MKX: variants seen among roughly 807,000 people sequenced by gnomAD.
MKX encodes the protein mohawk homeobox, also known as homeobox protein Mohawk.
A neutral mutation model predicts 36.0 loss-of-function variants in MKX; 13 were observed. That is an observed-to-expected ratio of 0.36 (90% CI 0.24 to 0.57). MKX has a LOEUF of 0.57. Ranked by LOEUF, MKX falls within the 20% of genes least tolerant of loss-of-function variation. The pLI is 0.79. For synonymous variants in MKX, 176 were observed against 178.3 expected, an observed-to-expected ratio of 0.99 and a Z score of 0.10; for missense variants, 458 against 456.4, an observed-to-expected ratio of 1.00 and a Z score of -0.03.
intron 5 of MKX, among the ~76,000 whole-genome samples, chr10:27,712,923 C>A (rs1045344621): frequency 6.6e-6 from 1 of 152,024 alleles, no homozygotes; most frequent in Non-Finnish European, 1.5e-5. Flanking sequence ...GATGACAGAG[C>A]AAGGCCCTGT....
At chr10:27,735,520 T>A in intron 3 of MKX, 146 bp from the exon 4 acceptor site, 1 of 590,084 alleles carries the variant, frequency 1.7e-6, no homozygotes, top group South Asian at 2.6e-5. Flanking sequence ...TTCGCATCCA[T>A]TCATTCATTT....
intron 5 of MKX, among the ~76,000 whole-genome samples, chr10:27,682,395 T>C (rs1309663656): frequency 6.6e-6 from 1 of 152,098 alleles, no homozygotes; most frequent in Non-Finnish European, 1.5e-5. Flanking sequence ...AAGTGTCCAG[T>C]GTTTATAAAG....
chr10:27,687,834 G>A (rs528891280), intron 5 of MKX, among the ~76,000 whole-genome samples: 1 of 152,314 alleles, frequency 6.6e-6, no homozygotes, highest in East Asian at 1.9e-4. Flanking sequence ...AGTGTCAGCG[G>A]GGGATGAGAA....
At chr10:27,705,091 T>G (rs1018089987) in intron 5 of MKX, among the ~76,000 whole-genome samples, 1 of 152,170 alleles carries the variant, frequency 6.6e-6, no homozygotes, top group Non-Finnish European at 1.5e-5. Flanking sequence ...GTGCTCAGAC[T>G]CATTCTTCAC....
rs1476975549 is a variant in MKX at position 27,745,769 on chromosome 10, G to C, written c.-145C>G. Reference sequence around the variant, plus strand: ...TGGCTCTCCCGCCTCGAGACTAGGCGCACTCCCATCCCCGCCGCATGTTCT... The same window carrying C: ...TGGCTCTCCCGCCTCGAGACTAGGCCCACTCCCATCCCCGCCGCATGTTCT... On this transcript the variant is annotated 5_prime_UTR_variant, in exon 1 of 7. Transcript: ENST00000419761. 6.5e-6 allele frequency: 1 copy of C among 152,750 alleles called. No individual in the cohort carries two copies. Among genetic ancestry groups the C allele is most frequent in the Non-Finnish European group, 1.5e-5 (1 of 68,166 alleles). The allele number at this position is 152,750 out of a possible 1,614,324, so 9.5% of individuals were successfully genotyped here. A position where few individuals can be genotyped will look rare whatever the true frequency, so the allele number is the denominator to read the frequency against.
At chr10:27,682,496 C>A (rs1350581160) in intron 5 of MKX, among the ~76,000 whole-genome samples, 1 of 152,194 alleles carries the variant, frequency 6.6e-6, no homozygotes, top group Admixed American at 6.5e-5. Context: ...TCCAGCCTTG[C>A]AAGCTCTGTT....
At chr10:27,739,575 G>A (rs1834849987) in intron 3 of MKX, among the ~76,000 whole-genome samples, 1 of 152,012 alleles carries the variant, frequency 6.6e-6, no homozygotes, top group South Asian at 2.1e-4. Flanking sequence ...ATCATTACAG[G>A]TGGCAAATAA....
chr10:27,736,332 G>GGTGAAGGCAAAGAAAGAAATAT (rs1834776201), intron 3 of MKX, among the ~76,000 whole-genome samples: 2 of 151,976 alleles, frequency 1.3e-5, no homozygotes, highest in South Asian at 4.1e-4. Context: ...TAGACAAATA[G>GGTGAAGGCAAAGAAAGAAATAT]GTGAAGGCAA....
intron 5 of MKX, among the ~76,000 whole-genome samples, chr10:27,733,537 C>T (rs1231487493): frequency 1.3e-5 from 2 of 152,114 alleles, no homozygotes; most frequent in East Asian, 3.9e-4. Flanking sequence ...GAGGAGAGTA[C>T]CTACTATGTG....
chr10:27,745,131 G>T (rs554750591), intron 1 of MKX, among the ~76,000 whole-genome samples: 244 of 152,186 alleles, frequency 1.6e-3, no homozygotes, highest in Non-Finnish European at 3.1e-3. Context: ...GGCCTTCTCC[G>T]AGCCACCCCA....
chr10:27,679,075 C>A (rs946403277), intron 5 of MKX, among the ~76,000 whole-genome samples: 1 of 150,990 alleles, frequency 6.6e-6, no homozygotes, highest in African/African-American at 2.4e-5. Context: ...GGTTCCTCTC[C>A]AATAACAGAA....
rs148056477 is a variant in MKX, at chr10:27,686,548, C to T, written c.839-10994G>A. ...CTGGAGTGCAGTGGTGTGATCTCGG[C>T]TCACTGCAACCTCTACCTCCTGGGT... On this transcript the variant is annotated intron_variant, in intron 5 of 6. Transcript: ENST00000419761. Among the ~76,000 whole-genome samples the T allele has an allele frequency of 3.1e-3, 464 of 151,206 alleles. 2 individuals are homozygous for T. Among genetic ancestry groups the T allele is most frequent in the African/African-American group, 0.011 (441 of 41,122 alleles).
Position 27,687,227 on chromosome 10 carries a change from A to G in MKX, c.839-11673T>C, listed in dbSNP as rs114644789. 4.6e-3 allele frequency among the ~76,000 whole-genome samples: 700 copies of G among 152,056 alleles called. 5 individuals carry two copies. The highest frequency in any genetic ancestry group is 0.016 in the African/African-American group (651 of 41,496). Reference sequence around the variant, plus strand: ...CACTATGTTGGTCAGGCTGGTCTCGAACACATGACCTCGTGATCCACCCGC... The same window carrying G: ...CACTATGTTGGTCAGGCTGGTCTCGGACACATGACCTCGTGATCCACCCGC... On this transcript the variant is annotated intron_variant, in intron 5 of 6. Coordinates refer to ENST00000419761, the MANE Select transcript of MKX (RefSeq NM_173576.3).
chr10:27,680,736 A>T (rs913495782), intron 5 of MKX, among the ~76,000 whole-genome samples: 1 of 152,212 alleles, frequency 6.6e-6, no homozygotes, highest in Admixed American at 6.5e-5. Flanking sequence ...TGCCACTGAA[A>T]CGTAAGTAAA....
chr10:27,708,604 C>T (rs1564355330), intron 5 of MKX, among the ~76,000 whole-genome samples: 1 of 152,014 alleles, frequency 6.6e-6, no homozygotes, highest in Non-Finnish European at 1.5e-5. Flanking sequence ...TGGCGTGCGC[C>T]TCTAGTCTCA....
chr10:27,695,463 T>C (rs865856269), intron 5 of MKX, among the ~76,000 whole-genome samples: 1 of 152,072 alleles, frequency 6.6e-6, no homozygotes, highest in Admixed American at 6.5e-5. Context: ...ATATTTTCCA[T>C]GCACTCAGTA....
At position 27,741,369 on chromosome 10, in the gene MKX, G is replaced by A. The variant is rs1010105754; in HGVS notation, c.324C>T (p.Leu108=). The change falls in exon 3 of 7, where the codon CTC becomes CTT. Residue 108 remains leucine, a synonymous_variant. Transcript: ENST00000419761. This position sits in a 1 kb window ranked among gnomAD's most constrained non-coding sequence, Gnocchi z 5.1. ...PTKTEKILLA[L]GSQMTLVQVS... is the part of the protein sequence containing the mutation. ...CCTGCACTAGCGTCATCTGCGAGCC[G>A]AGGGCCAAGAGTATCTTCTCGGTCT... 6.2e-7 allele frequency: 1 copy of A among 1,613,176 alleles called. No individual in the cohort carries two copies. The highest frequency in any genetic ancestry group is 1.3e-5 in the African/African-American group (1 of 75,014).
intron 5 of MKX, among the ~76,000 whole-genome samples, chr10:27,732,681 A>G (rs1418946072): frequency 2.6e-5 from 4 of 152,190 alleles, no homozygotes; most frequent in Middle Eastern, 3.2e-3. Context: ...CTAAAAATAA[A>G]CATTCATAAA....
rs368236674 is a variant in MKX at position 27,734,498 on chromosome 10, G to A, written c.796C>T (p.Pro266Ser). ...SNEFEEELVS[P>S]SSSETEGNFV... ...TTGCCTTCAGTTTCTGATGACGATG[G>A]AGACACTAATTCTTCCTCAAATTCA... Residue 266 changes from proline to serine, a missense_variant, in exon 5 of 7, where the codon CCA becomes TCA. Physicochemically the swap from Pro to Ser is moderately conservative, Grantham distance 74. Coordinates refer to ENST00000419761, the MANE Select transcript of MKX (RefSeq NM_173576.3). 3.7e-6 allele frequency: 6 copies of A among 1,614,074 alleles called. No homozygotes were observed. Among genetic ancestry groups the A allele is most frequent in the Non-Finnish European group, 5.1e-6 (6 of 1,180,044 alleles).
Sources: gnomAD v4.1 joint callset for allele counts (sites outside exome capture counted in the v4.1 genomes callset) on GRCh38, gnomAD v4.1.1 for gene constraint, Gnocchi (gnomAD v3.1) non-coding constraint, MANE v1.5 for transcripts, NCBI Gene and HGNC (gene_info 2026-07-23, HGNC 2026-07-21) for gene names.